The following CDK6 variants were observed in gnomAD, a reference collection of about 807,000 sequenced individuals.
CDK6 encodes the protein cyclin dependent kinase 6, also known as cyclin-dependent kinase 6.
A neutral mutation model predicts 37.1 loss-of-function variants in CDK6; 6 were observed. That is an observed-to-expected ratio of 0.16 (90% CI 0.09 to 0.32). The LOEUF (loss-of-function observed/expected upper bound fraction) is 0.32, where lower values mean the gene tolerates loss of function less well. CDK6 is among the 10% of genes least tolerant of loss of function. The pLI, the probability that CDK6 is intolerant of heterozygous loss-of-function variation, is 1.00. For missense variants in CDK6, 224 were observed against 418.9 expected (o/e 0.53, Z 4.06); for synonymous variants, 160 against 161.3 (o/e 0.99, Z 0.06).
chr7:92,697,708 C>T (rs1797751916), intron 4 of CDK6, among the ~76,000 whole-genome samples: 1 of 152,106 alleles, frequency 6.6e-6, no homozygotes, highest in Non-Finnish European at 1.5e-5. Flanking sequence ...TTATTGGGGA[C>T]TCCAAGGCAT....
intron 3 of CDK6, among the ~76,000 whole-genome samples, chr7:92,751,778 C>A (rs992481644): frequency 5.9e-5 from 9 of 152,006 alleles, no homozygotes; most frequent in African/African-American, 2.2e-4. Context: ...ATTTCTGAAT[C>A]CTATCATTTA....
At chr7:92,675,696 G>A (rs1241548178) in intron 4 of CDK6, among the ~76,000 whole-genome samples, 4 of 152,020 alleles carry the variant, frequency 2.6e-5, no homozygotes, top group Admixed American at 6.6e-5. Flanking sequence ...AAACAATCTC[G>A]CTCATAGAGC....
intron 2 of CDK6, among the ~76,000 whole-genome samples, chr7:92,814,163 G>A (rs1022021456): frequency 2.0e-5 from 3 of 152,118 alleles, no homozygotes; most frequent in African/African-American, 7.2e-5. Flanking sequence ...ATTTATATCA[G>A]CTGTTGGTTT....
intron 3 of CDK6, among the ~76,000 whole-genome samples, chr7:92,766,498 G>A (rs1799584746): frequency 6.6e-6 from 1 of 152,208 alleles, no homozygotes; most frequent in Non-Finnish European, 1.5e-5. Context: ...CCAAGAGCAT[G>A]TGGGAGACGT....
At chr7:92,747,720 T>C (rs1356026284) in intron 3 of CDK6, among the ~76,000 whole-genome samples, 1 of 152,232 alleles carries the variant, frequency 6.6e-6, no homozygotes, top group Non-Finnish European at 1.5e-5. Context: ...GTATTCGTCA[T>C]AAACTGCCTT....
chr7:92,801,967 C>G (rs1490673634), intron 2 of CDK6, among the ~76,000 whole-genome samples: 2 of 125,502 alleles, frequency 1.6e-5, no homozygotes, highest in Non-Finnish European at 3.3e-5. Context: ...CCCCCCCGTT[C>G]TCTCCCCTTC....
intron 2 of CDK6, among the ~76,000 whole-genome samples, chr7:92,784,954 C>T (rs1800085360): frequency 6.6e-6 from 1 of 152,166 alleles, no homozygotes; most frequent in Non-Finnish European, 1.5e-5. Flanking sequence ...TAAACGAAGA[C>T]TCAAACACTA....
In CDK6 at chr7:92,605,593, T is replaced by C; in HGVS notation, c.*9547A>G. 1 of 233,208 alleles carries C rather than the reference T, an allele frequency of 4.3e-6. No individual in the cohort carries two copies. Among genetic ancestry groups the C allele is most frequent in the Non-Finnish European group, 8.5e-6 (1 of 117,982 alleles). 14.4% of individuals were successfully genotyped at this position (233,208 alleles called of 1,614,324 possible). ...ACTGGCTATATTTTCATCTGCCTCT[T>C]GGGAAAGGAGCAAGAGCATTCAGCT... On this transcript the variant is annotated 3_prime_UTR_variant, in exon 8 of 8. Coordinates refer to ENST00000424848, the MANE Select transcript of CDK6 (RefSeq NM_001145306.2).
Position 92,761,229 on chromosome 7 carries a change from A to C in CDK6, c.369+13467T>G, listed in dbSNP as rs139712723. 3.3e-3 allele frequency among the ~76,000 whole-genome samples: 498 copies of C among 152,222 alleles called. 2 individuals carry two copies. Among genetic ancestry groups the C allele is most frequent in the African/African-American group, 0.012 (478 of 41,560 alleles). On this transcript the variant is annotated intron_variant, in intron 3 of 7. Transcript: ENST00000424848. Reference sequence around the variant, plus strand: ...TGTTTCGCACTTAGAAAACTCTACTACCAGATCTGAAAAATATTTGTTTAC... The same window carrying C: ...TGTTTCGCACTTAGAAAACTCTACTCCCAGATCTGAAAAATATTTGTTTAC...
rs1190177731 is a variant in CDK6, at chr7:92,611,182, C to A, written c.*3958G>T. On this transcript the variant is annotated 3_prime_UTR_variant, in exon 8 of 8. Coordinates refer to ENST00000424848, the MANE Select transcript of CDK6 (RefSeq NM_001145306.2). ...ACTGTTTTATGAATAATTTTTAAAG[C>A]CTTAGAAATCATACATCTTTATCTG... The A allele has an allele frequency of 8.8e-6, 2 of 226,428 alleles. No individual in the cohort carries two copies. The highest frequency in any genetic ancestry group is 5.7e-5 in the Admixed American group (1 of 17,580). The allele number at this position is 226,428 out of a possible 1,614,324, so 14.0% of individuals were successfully genotyped here. A position where few individuals can be genotyped will look rare whatever the true frequency, so the allele number is the denominator to read the frequency against.
intron 2 of CDK6, among the ~76,000 whole-genome samples, chr7:92,793,331 G>A (rs745918403): frequency 6.6e-6 from 1 of 152,048 alleles, no homozygotes; most frequent in Non-Finnish European, 1.5e-5. Flanking sequence ...TCGAAGACTC[G>A]CACTTCTCAA....
chr7:92,667,484 G>C (rs969292660), intron 5 of CDK6, among the ~76,000 whole-genome samples: 3 of 152,046 alleles, frequency 2.0e-5, no homozygotes, highest in Non-Finnish European at 4.4e-5. Context: ...GTGAGCCACT[G>C]CATCTGGCTT....
intron 5 of CDK6, among the ~76,000 whole-genome samples, chr7:92,665,245 T>C (rs1387758102): frequency 1.3e-5 from 2 of 151,700 alleles, no homozygotes; most frequent in Non-Finnish European, 2.9e-5. Context: ...TAGTTAAAAA[T>C]CAATCTATCA....
Position 92,712,870 on chromosome 7 carries a change from G to GTATGTA in CDK6, c.537+12750_537+12755dup, listed in dbSNP as rs1798131465. Among the ~76,000 whole-genome samples, 13 of 149,442 alleles carry GTATGTA rather than the reference G, an allele frequency of 8.7e-5. No homozygotes were observed. The South Asian group carries it at 2.7e-3, about 31-fold the overall frequency. ...TGTATGTATGTATGTATGTATGTAT[G>GTATGTA]TATGTATGTATTTATTTATTTGAGA... On this transcript the variant is annotated intron_variant, in intron 4 of 7. Transcript: ENST00000424848.
chr7:92,828,427 C>G (rs530381715), intron 2 of CDK6, among the ~76,000 whole-genome samples: 1 of 152,196 alleles, frequency 6.6e-6, no homozygotes, highest in Admixed American at 6.5e-5. Context: ...AAGAACAAGT[C>G]AATAACTTTA....
chr7:92,650,358 G>A (rs778181169), intron 5 of CDK6, among the ~76,000 whole-genome samples: 3 of 152,124 alleles, frequency 2.0e-5, no homozygotes, highest in Non-Finnish European at 4.4e-5. Flanking sequence ...GCCAGAGCGC[G>A]ACAACAGGCA....
chr7:92,712,638 A>G (rs1282438124), intron 4 of CDK6, among the ~76,000 whole-genome samples: 1 of 152,192 alleles, frequency 6.6e-6, no homozygotes, highest in Non-Finnish European at 1.5e-5. Context: ...AGATAAAGAC[A>G]AGATTTTATT....
intron 5 of CDK6, among the ~76,000 whole-genome samples, chr7:92,660,528 A>T (rs1796812017): frequency 6.6e-6 from 1 of 152,218 alleles, no homozygotes; most frequent in Non-Finnish European, 1.5e-5. Flanking sequence ...AGAGCCAAGG[A>T]TCCTACACCA....
At chr7:92,670,855 C>A (rs1037162445) in intron 5 of CDK6, among the ~76,000 whole-genome samples, 2 of 152,206 alleles carry the variant, frequency 1.3e-5, no homozygotes, top group African/African-American at 4.8e-5. Flanking sequence ...TAACAAAAAT[C>A]TTTCTTTTTG....
Sources: gnomAD v4.1 joint callset for allele counts (sites outside exome capture counted in the v4.1 genomes callset) on GRCh38, gnomAD v4.1.1 for gene constraint, MANE v1.5 for transcripts, NCBI Gene and HGNC (gene_info 2026-07-23, HGNC 2026-07-21) for gene names.